Variants in GBP5 observed in about 807,000 individuals in gnomAD.
GBP5 encodes the protein guanylate binding protein 5, also known as guanylate-binding protein 5.
In GBP5, 48 loss-of-function variants were observed where a neutral mutation model predicts 58.2. That is an observed-to-expected ratio of 0.83 (90% CI 0.65 to 1.05). GBP5 has a LOEUF of 1.05. Ranked by LOEUF, GBP5 falls within the 50% of genes least tolerant of loss-of-function variation. The probability of loss-of-function intolerance (pLI) is 0.00; values close to 1 mark genes in which losing one functional copy is unlikely to be tolerated. For missense variants in GBP5, 714 were observed against 686.8 expected (o/e 1.04, Z -0.44); for synonymous variants, 248 against 251.8 (o/e 0.98, Z 0.14).
At position 89,269,451 on chromosome 1, in the gene GBP5, C is replaced by T. The variant is rs150964952; in HGVS notation, c.105G>A (p.Thr35=). ...QEALEILSAI[T]QPVVVVAIVG... The stretch of plus-strand genomic sequence containing the variant: ...CAATCGCTACCACAACTACAGGTTG[C>T]GTAATGGCAGACAGGATCTCCAAAG... Residue 35 remains threonine, a synonymous_variant, in exon 3 of 12, where the codon ACG becomes ACA. Transcript: ENST00000370459. 152 of 1,613,948 alleles carry T rather than the reference C, an allele frequency of 9.4e-5. No individual in the cohort carries two copies. Among genetic ancestry groups the T allele is most frequent in the Non-Finnish European group, 1.2e-4 (141 of 1,179,974 alleles).
Position 89,256,829 on chromosome 1 carries a change from A to G in GBP5, c.*3875T>C, listed in dbSNP as rs1177428643. ...TTGATCTTTTCCTATATGGCCATCCAGTAGTCCCAACCTACTAAGAAGTCT... is the reference window on the plus strand; with the variant it reads ...TTGATCTTTTCCTATATGGCCATCCGGTAGTCCCAACCTACTAAGAAGTCT... On this transcript the variant is annotated 3_prime_UTR_variant, in exon 12 of 12. Coordinates refer to ENST00000370459, the MANE Select transcript of GBP5 (RefSeq NM_052942.5). Among the ~76,000 whole-genome samples the G allele has an allele frequency of 6.6e-6, 1 of 152,182 alleles. No homozygotes were observed. Among genetic ancestry groups the G allele is most frequent in the Non-Finnish European group, 1.5e-5 (1 of 68,028 alleles).
At chr1:89,262,566 G>T in intron 10 of GBP5, 117 bp downstream of exon 10, 3 of 903,594 alleles carry the variant, frequency 3.3e-6, no homozygotes, top group Non-Finnish European at 3.4e-6. Context: ...TGCTTGAGGA[G>T]CTAAGAAGCA....
Position 89,264,951 on chromosome 1 carries a change from A to C in GBP5, c.884T>G (p.Val295Gly), listed in dbSNP as rs1461681666. 1 of 1,612,740 alleles carries C rather than the reference A, an allele frequency of 6.2e-7. No individual in the cohort carries two copies. The highest frequency in any genetic ancestry group is 2.2e-5 in the East Asian group (1 of 44,846). The change falls in exon 8 of 12, where the codon GTG (valine) becomes GGG (glycine). Residue 295 changes from valine to glycine, a missense_variant. Transcript: ENST00000370459. ...MVNGSRLKNLVLTYVNAISSG... is the reference protein window; with the variant it reads ...MVNGSRLKNLGLTYVNAISSG... The stretch of plus-strand genomic sequence containing the variant: ...GCTGATGGCATTGACATAGGTCAGC[A>C]CCAGGTTCTTTAGACCTTCATGGAA...
intron 5 of GBP5, 24 bp from the exon 6 acceptor site, chr1:89,267,177 G>T: frequency 1.3e-6 from 2 of 1,549,928 alleles, no homozygotes; most frequent in South Asian, 1.2e-5. Context: ...AAAGAAAACT[G>T]GCAGAAATAG....
chr1:89,262,177 T>C, intron 11 of GBP5, 43 bp downstream of exon 11: 1 of 1,586,900 alleles, frequency 6.3e-7, no homozygotes, highest in Non-Finnish European at 8.6e-7. Flanking sequence ...CTACATACTC[T>C]CATCGTTACA....
In GBP5 at chr1:89,256,855, A is replaced by G. The variant is rs1212654662; in HGVS notation, c.*3849T>C. 1.3e-5 allele frequency among the ~76,000 whole-genome samples: 2 copies of G among 152,160 alleles called. No homozygotes were observed. The highest frequency in any genetic ancestry group is 2.9e-5 in the Non-Finnish European group (2 of 68,022). On this transcript the variant is annotated 3_prime_UTR_variant, in exon 12 of 12. Coordinates refer to ENST00000370459, the MANE Select transcript of GBP5 (RefSeq NM_052942.5). Reference sequence around the variant, plus strand: ...GTAGTCCCAACCTACTAAGAAGTCTATCTTTACCCTGTATTATTCCTATAA... The same window carrying G: ...GTAGTCCCAACCTACTAAGAAGTCTGTCTTTACCCTGTATTATTCCTATAA...
intron 8 of GBP5, 108 bp downstream of exon 8, chr1:89,264,578 A>G: frequency 2.1e-6 from 2 of 938,660 alleles, no homozygotes; most frequent in South Asian, 1.6e-5. Context: ...ATATATTATT[A>G]TTTTCCAATC....
At chr1:89,267,247 A>G (rs1183708624) in intron 5 of GBP5, 94 bp from the exon 6 acceptor site, 1 of 1,109,050 alleles carries the variant, frequency 9.0e-7, no homozygotes, top group African/African-American at 1.6e-5. Context: ...TTCCCCTACG[A>G]GTCTTAACCA....
intron 11 of GBP5, 142 bp downstream of exon 11, chr1:89,262,078 G>A: frequency 1.3e-6 from 1 of 741,226 alleles, no homozygotes; most frequent in Non-Finnish European, 2.3e-6. Context: ...TTACTAAGAG[G>A]TGGAGCTTGG....
rs1230431505 is a variant in GBP5, at chr1:89,257,987, A to G, written c.*2717T>C. ...GATCAGTTGATTTCACAACAGTAAGACAAAGAAAGTCAGAAAATATAAGCT... is the reference window on the plus strand; with the variant it reads ...GATCAGTTGATTTCACAACAGTAAGGCAAAGAAAGTCAGAAAATATAAGCT... On this transcript the variant is annotated 3_prime_UTR_variant, in exon 12 of 12. Coordinates refer to ENST00000370459, the MANE Select transcript of GBP5 (RefSeq NM_052942.5). 1.3e-5 allele frequency among the ~76,000 whole-genome samples: 2 copies of G among 152,248 alleles called. No individual in the cohort carries two copies. The highest frequency in any genetic ancestry group is 3.8e-4 in the East Asian group (2 of 5,204).
intron 7 of GBP5, among the ~76,000 whole-genome samples, chr1:89,265,510 C>T (rs373018059): frequency 9.3e-5 from 14 of 151,308 alleles, no homozygotes; most frequent in African/African-American, 1.2e-4. Context: ...GGGCGGATCA[C>T]GAGGTGAGGA....
chr1:89,258,394 T>C lies in GBP5; in HGVS notation c.*2310A>G, dbSNP rs1310701029. Among the ~76,000 whole-genome samples the C allele has an allele frequency of 1.3e-5, 2 of 152,238 alleles. No individual in the cohort carries two copies. The highest frequency in any genetic ancestry group is 2.9e-5 in the Non-Finnish European group (2 of 68,040). On this transcript the variant is annotated 3_prime_UTR_variant, in exon 12 of 12. Coordinates refer to ENST00000370459, the MANE Select transcript of GBP5 (RefSeq NM_052942.5). The stretch of plus-strand genomic sequence containing the variant: ...TTGGAGATAGAGCTATTCTTTTTAC[T>C]GATAACATTTCCTTGGATGATAAAA...
chr1:89,265,544 C>G (rs1177492279), intron 7 of GBP5, among the ~76,000 whole-genome samples: 1 of 151,048 alleles, frequency 6.6e-6, no homozygotes, highest in African/African-American at 2.4e-5. Context: ...TTGGCTAACA[C>G]GGTGAAACCC....
chr1:89,267,374 G>T, intron 5 of GBP5, 43 bp downstream of exon 5: 3 of 1,363,876 alleles, frequency 2.2e-6, no homozygotes, highest in Non-Finnish European at 3.1e-6. Flanking sequence ...AAATAGAGGA[G>T]TTCTGTCGGA....
chr1:89,262,576 A>G, intron 10 of GBP5, 107 bp downstream of exon 10: 1 of 909,034 alleles, frequency 1.1e-6, no homozygotes, highest in South Asian at 1.5e-5. Flanking sequence ...GCTAAGAAGC[A>G]TCTTTGCCAT....
chr1:89,262,588 C>G (rs1003932901), intron 10 of GBP5, 95 bp downstream of exon 10: 28 of 949,700 alleles, frequency 2.9e-5, no homozygotes, highest in Non-Finnish European at 4.6e-5. Context: ...CTTTGCCATT[C>G]TTGCTCTAGT....
At position 89,266,390 on chromosome 1, in the gene GBP5, G is replaced by T. The variant is rs1170079003; in HGVS notation, c.824C>A (p.Ser275Tyr). 6.2e-7 allele frequency: 1 copy of T among 1,613,478 alleles called. No individual in the cohort carries two copies. Among genetic ancestry groups the T allele is most frequent in the South Asian group, 1.1e-5 (1 of 91,072 alleles). ...TEFCSYIFSH[S>Y]MTKTLPGGIM... ...GCCACCTGGAAGAGTCTTGGTCATA[G>T]AATGGCTAAAGATGTAGGAACAGAA... Residue 275 changes from serine to tyrosine, a missense_variant, in exon 7 of 12, where the codon TCT (serine) becomes TAT (tyrosine). Ser to Tyr is a moderately radical substitution (Grantham distance 144, BLOSUM62 -2). Coordinates refer to ENST00000370459, the MANE Select transcript of GBP5 (RefSeq NM_052942.5).
chr1:89,268,203 G>C (rs1650301133), intron 4 of GBP5, among the ~76,000 whole-genome samples: 1 of 152,202 alleles, frequency 6.6e-6, no homozygotes, highest in Admixed American at 6.5e-5. Context: ...ACAAATCATG[G>C]TTGTTTTTGT....
At chr1:89,261,815 A>G (rs2100716153) in intron 11 of GBP5, among the ~76,000 whole-genome samples, 1 of 152,336 alleles carries the variant, frequency 6.6e-6, no homozygotes, top group East Asian at 1.9e-4. Flanking sequence ...CAAAGTATCT[A>G]TGACCAAAGC....
Sources: gnomAD v4.1 joint callset for allele counts (sites outside exome capture counted in the v4.1 genomes callset) on GRCh38, gnomAD v4.1.1 for gene constraint, MANE v1.5 for transcripts, NCBI Gene and HGNC (gene_info 2026-07-23, HGNC 2026-07-21) for gene names.